Variants in KDM5A observed in about 807,000 individuals in gnomAD.
KDM5A encodes lysine demethylase 5A, also known as lysine-specific demethylase 5A.
In KDM5A, 42 loss-of-function variants were observed where a neutral mutation model predicts 193.5. That is an observed-to-expected ratio of 0.22 (90% CI 0.17 to 0.28). The LOEUF is 0.28. Among genes scored for constraint, KDM5A ranks in the 10% least tolerant of loss-of-function variants. KDM5A has a pLI of 1.00. For missense variants in KDM5A, 1,692 were observed against 2,055.1 expected, an observed-to-expected ratio of 0.82 and a Z score of 3.42; for synonymous variants, 796 against 718.1, an observed-to-expected ratio of 1.11 and a Z score of -1.73.
intron 13 of KDM5A, among the ~76,000 whole-genome samples, chr12:331,372 C>T (rs923179126): frequency 1.4e-4 from 21 of 152,202 alleles, no homozygotes; most frequent in Non-Finnish European, 3.1e-4. Flanking sequence ...ATTACTTTTG[C>T]ACCAACCTGT....
intron 9 of KDM5A, 91 bp downstream of exon 9, chr12:352,103 CAAAAAAAAAAA>C (rs58266653): frequency 8.7e-5 from 33 of 378,764 alleles, no homozygotes; most frequent in East Asian, 3.5e-4. Context: ...GACTCCGTCT[CAAAAAAAAAAA>C]AAAAAAAAAA....
intron 3 of KDM5A, among the ~76,000 whole-genome samples, chr12:380,560 T>C (rs1944561276): frequency 6.6e-6 from 1 of 151,858 alleles, no homozygotes; most frequent in South Asian, 2.1e-4. Flanking sequence ...TTACTAAAAA[T>C]ATAAAAATTA....
At chr12:372,372 G>T (rs1361026316) in intron 3 of KDM5A, among the ~76,000 whole-genome samples, 6 of 152,176 alleles carry the variant, frequency 3.9e-5, no homozygotes, top group Non-Finnish European at 8.8e-5. Flanking sequence ...TTGTGAATGG[G>T]AGTTCACTCA....
intron 8 of KDM5A, 144 bp from the exon 9 acceptor site, chr12:352,468 T>C (rs1208309341): frequency 6.9e-6 from 5 of 724,924 alleles, no homozygotes; most frequent in African/African-American, 1.8e-5. Context: ...TATCAGCTAC[T>C]TACAATACCG....
At chr12:380,803 AT>A (rs1053590231) in intron 3 of KDM5A, among the ~76,000 whole-genome samples, 6 of 151,278 alleles carry the variant, frequency 4.0e-5, no homozygotes, top group Non-Finnish European at 7.4e-5. Flanking sequence ...TGAAAAAAAA[AT>A]TTTTTTTTCA....
intron 10 of KDM5A, among the ~76,000 whole-genome samples, chr12:334,746 T>C (rs1262830755): frequency 2.0e-5 from 3 of 151,998 alleles, no homozygotes; most frequent in East Asian, 1.9e-4. Flanking sequence ...TTCTATTTTA[T>C]AGCCAGTAGC....
intron 24 of KDM5A, among the ~76,000 whole-genome samples, chr12:301,912 C>G (rs1943446822): frequency 6.6e-6 from 1 of 152,106 alleles, no homozygotes; most frequent in Non-Finnish European, 1.5e-5. Flanking sequence ...TGAGTGAACT[C>G]CCATTCACAA....
intron 22 of KDM5A, 71 bp from the exon 23 acceptor site, chr12:308,076 C>A: frequency 6.7e-7 from 1 of 1,495,052 alleles, no homozygotes; most frequent in Non-Finnish European, 9.3e-7. Context: ...ATCCTCAAGG[C>A]TGTGGGATCT....
In KDM5A at chr12:333,410, C is replaced by T. The variant is rs528109563; in HGVS notation, c.1653+77G>A. 8 of 1,522,586 alleles carry T rather than the reference C, an allele frequency of 5.3e-6. No homozygotes were observed. In the African/African-American group the frequency reaches 6.8e-5, roughly 13 times the overall value. The allele number at this position is 1,522,586 out of a possible 1,614,324, so 94.3% of individuals were successfully genotyped here. ...CTCCAGCCTGGGCAACAGAGCAAGA[C>T]CCTGTTTCAAAAAAAAAGAAAAAAG... On this transcript the variant is annotated intron_variant, in intron 12 of 27. Transcript: ENST00000399788.
intron 3 of KDM5A, 123 bp downstream of exon 3, chr12:383,908 C>G (rs1944608590): frequency 9.3e-7 from 1 of 1,069,692 alleles, no homozygotes; most frequent in Admixed American, 1.7e-5. Context: ...GCCACCATAC[C>G]CAGCTAGTGC....
At chr12:314,179 TGACAGTC>T (rs1943622704) in intron 19 of KDM5A, among the ~76,000 whole-genome samples, 1 of 151,922 alleles carries the variant, frequency 6.6e-6, no homozygotes, top group African/African-American at 2.4e-5. Flanking sequence ...TGAGCAAAAA[TGACAGTC>T]CTTGCCTCAT....
chr12:353,015 T>C (rs1218216542), intron 8 of KDM5A, among the ~76,000 whole-genome samples: 14 of 152,254 alleles, frequency 9.2e-5, no homozygotes, highest in Non-Finnish European at 2.1e-4. Context: ...CTAAGAAAAA[T>C]TTAGCACAGT....
At chr12:373,510 T>C (rs1944459580) in intron 3 of KDM5A, among the ~76,000 whole-genome samples, 2 of 152,224 alleles carry the variant, frequency 1.3e-5, no homozygotes, top group South Asian at 4.1e-4. Context: ...ATCAATTTTG[T>C]TGATCTTTTC....
chr12:329,298 G>C, intron 13 of KDM5A: 1 of 465,704 alleles, frequency 2.1e-6, no homozygotes, highest in Non-Finnish European at 3.9e-6. Flanking sequence ...TGTATATCAA[G>C]AAGGAGTTCT....
chr12:382,030 C>T (rs1051172821), intron 3 of KDM5A, among the ~76,000 whole-genome samples: 3 of 152,062 alleles, frequency 2.0e-5, no homozygotes, highest in Non-Finnish European at 2.9e-5. Context: ...AGCCTGGTCT[C>T]GAACTCCTAG....
At position 318,299 on chromosome 12, in the gene KDM5A, G is replaced by A. The variant is rs769625142; in HGVS notation, c.2704C>T (p.Arg902Trp). 48 of 1,614,002 alleles carry A rather than the reference G, an allele frequency of 3.0e-5. No homozygotes were observed. The highest frequency in any genetic ancestry group is 3.9e-5 in the Non-Finnish European group (46 of 1,180,030). The change falls in exon 19 of 28, where the codon CGG (arginine) becomes TGG (tryptophan). Residue 902 changes from arginine to tryptophan, a missense_variant. This residue lies in a region of KDM5A where 965 missense variants were observed against 1,061.0 expected (regional missense o/e 0.91). Transcript: ENST00000399788. ...PRLKQELQQA[R>W]WLDEVRLTLS... ...GTCAGTCTTACTTCGTCCAACCACC[G>A]AGCCTGTTGTAGCTCTTGCTTCAGT...
intron 3 of KDM5A, among the ~76,000 whole-genome samples, chr12:370,861 C>T (rs551416516): frequency 2.6e-5 from 4 of 152,070 alleles, no homozygotes; most frequent in Non-Finnish European, 5.9e-5. Context: ...TGAGAACATG[C>T]GGTGTTTGGT....
intron 5 of KDM5A, 114 bp downstream of exon 5, chr12:362,849 T>G: frequency 1.0e-6 from 1 of 958,602 alleles, no homozygotes. Flanking sequence ...CCAGCAATAC[T>G]CAAGAGGCGG....
At chr12:346,950 C>G (rs1272505914) in intron 10 of KDM5A, among the ~76,000 whole-genome samples, 3 of 152,088 alleles carry the variant, frequency 2.0e-5, no homozygotes, top group Non-Finnish European at 4.4e-5. Flanking sequence ...AAAGGGTATT[C>G]AATTAGGAAA....
Sources: gnomAD v4.1 joint callset for allele counts (sites outside exome capture counted in the v4.1 genomes callset) on GRCh38, gnomAD v4.1.1 for gene constraint, gnomAD v4.1.1 regional missense constraint, MANE v1.5 for transcripts, NCBI Gene and HGNC (gene_info 2026-07-23, HGNC 2026-07-21) for gene names.